SPATA13: variants seen among roughly 807,000 people sequenced by gnomAD.
The protein encoded by SPATA13 is spermatogenesis associated 13.
A neutral mutation model predicts 104.0 loss-of-function variants in SPATA13; 50 were observed. That is an observed-to-expected ratio of 0.48 (90% CI 0.38 to 0.61). The LOEUF (loss-of-function observed/expected upper bound fraction) is 0.61. Among genes scored for constraint, SPATA13 ranks in the 20% least tolerant of loss-of-function variants. The pLI, the probability that SPATA13 is intolerant of heterozygous loss-of-function variation, is 0.00. For missense variants in SPATA13, 1,524 were observed against 1,690.6 expected (o/e 0.90, Z 1.73); for synonymous variants, 606 against 667.5 (o/e 0.91, Z 1.42).
Position 24,223,002 on chromosome 13 carries a change from C to T in SPATA13, c.73C>T (p.Pro25Ser). The T allele has an allele frequency of 6.4e-7, 1 of 1,551,292 alleles. No individual in the cohort carries two copies. The highest frequency in any genetic ancestry group is 8.7e-7 in the Non-Finnish European group (1 of 1,146,720). ...NMTTAPNGLG[P>S]GPAAPCAGSD... ...GACCACTGCCCCAAACGGCCTCGGG[C>T]CAGGCCCCGCAGCCCCCTGTGCAGG... is the stretch of plus-strand genomic sequence containing the variant. Residue 25 changes from proline to serine, a missense_variant, in exon 2 of 13, where the codon CCA becomes TCA. Pro to Ser is a moderately conservative substitution (Grantham distance 74, BLOSUM62 -1). Coordinates refer to ENST00000382108, the MANE Select transcript of SPATA13 (RefSeq NM_001166271.3).
At chr13:23,989,441 T>C (rs1593260162) in intron 2 of SPATA13, among the ~76,000 whole-genome samples, 1 of 151,852 alleles carries the variant, frequency 6.6e-6, no homozygotes. Context: ...AAAGATTTAC[T>C]CAAGTTATCT....
chr13:24,174,415 G>A (rs1883130920), intron 1 of SPATA13, among the ~76,000 whole-genome samples: 1 of 151,410 alleles, frequency 6.6e-6, no homozygotes, highest in South Asian at 2.1e-4. Flanking sequence ...TGAAGTGGGA[G>A]ATTAGATTGA....
chr13:24,089,065 T>C (rs1012494728), intron 3 of SPATA13, among the ~76,000 whole-genome samples: 1 of 152,164 alleles, frequency 6.6e-6, no homozygotes, highest in African/African-American at 2.4e-5. Context: ...GACAACTCAA[T>C]TGGCAGTTTT....
intron 3 of SPATA13, chr13:24,123,227 C>A (rs1477023747): frequency 1.3e-6 from 2 of 1,593,790 alleles, no homozygotes; most frequent in African/African-American, 1.3e-5. Context: ...GATTGCTGAT[C>A]AATACTTGAA....
intron 1 of SPATA13, among the ~76,000 whole-genome samples, chr13:24,193,022 C>G (rs1427881762): frequency 6.6e-6 from 1 of 152,116 alleles, no homozygotes; most frequent in Non-Finnish European, 1.5e-5. Context: ...AGTTGAAAGT[C>G]AAGGTGTGTG....
At chr13:24,302,273 C>A (rs528579497) in intron 12 of SPATA13, among the ~76,000 whole-genome samples, 1 of 151,740 alleles carries the variant, frequency 6.6e-6, no homozygotes, top group Non-Finnish European at 1.5e-5. Context: ...TTTTGGTTAA[C>A]GTGAATTAAG....
At position 24,294,871 on chromosome 13, in the gene SPATA13, A is replaced by T. The variant is rs371294956; in HGVS notation, c.3210+3A>T. ...AGGTGTCTATCGTGGGCTGGGAGGT[A>T]AGTGGAAAGCACCCCACATGATCCC... On this transcript the variant is annotated splice_donor_region_variant and intron_variant, in intron 10 of 12. Coordinates refer to ENST00000382108, the MANE Select transcript of SPATA13 (RefSeq NM_001166271.3). 1.3e-4 allele frequency: 216 copies of T among 1,604,502 alleles called. No individual in the cohort carries two copies. Among genetic ancestry groups the T allele is most frequent in the Non-Finnish European group, 1.8e-4 (207 of 1,172,072 alleles).
chr13:24,168,730 C>A (rs1297130521), intron 1 of SPATA13, among the ~76,000 whole-genome samples: 4 of 152,128 alleles, frequency 2.6e-5, no homozygotes, highest in Non-Finnish European at 5.9e-5. Flanking sequence ...AACATCCCTC[C>A]AGCCCTCATT....
chr13:24,220,665 A>G (rs369419486), intron 1 of SPATA13, among the ~76,000 whole-genome samples: 16 of 152,124 alleles, frequency 1.1e-4, no homozygotes, highest in Admixed American at 9.2e-4. Context: ...TAATTCCTCC[A>G]TTAGAACATT....
intron 3 of SPATA13, among the ~76,000 whole-genome samples, chr13:24,031,725 C>T (rs1877490562): frequency 6.6e-6 from 1 of 152,170 alleles, no homozygotes; most frequent in Non-Finnish European, 1.5e-5. Context: ...TGGACCTTCT[C>T]TCTCCCTTAA....
At chr13:24,066,714 C>T (rs1246398995) in intron 3 of SPATA13, among the ~76,000 whole-genome samples, 1 of 152,102 alleles carries the variant, frequency 6.6e-6, no homozygotes, top group East Asian at 1.9e-4. Flanking sequence ...CCTCCTCACT[C>T]TTTCAAACAA....
chr13:24,293,794 G>C (rs1251612041), intron 9 of SPATA13, among the ~76,000 whole-genome samples: 1 of 152,226 alleles, frequency 6.6e-6, no homozygotes, highest in African/African-American at 2.4e-5. Flanking sequence ...AGCAGGGTCT[G>C]CTTGGTGGGC....
chr13:24,277,470 T>G (rs1226694933), intron 4 of SPATA13, among the ~76,000 whole-genome samples: 5 of 125,920 alleles, frequency 4.0e-5, no homozygotes, highest in Admixed American at 8.3e-5. Flanking sequence ...AAAGAAGAAG[T>G]TCACCTTGGA....
chr13:24,065,032 G>C (rs1044798667), intron 3 of SPATA13, among the ~76,000 whole-genome samples: 2 of 151,922 alleles, frequency 1.3e-5, no homozygotes, highest in African/African-American at 4.8e-5. Context: ...ATCCTGGATG[G>C]GACCTTGCGT....
chr13:24,182,560 C>T (rs1048241448), intron 1 of SPATA13, among the ~76,000 whole-genome samples: 15 of 151,962 alleles, frequency 9.9e-5, no homozygotes, highest in African/African-American at 3.6e-4. Context: ...AGTGAACTTA[C>T]AGAGTGAGAA....
At chr13:24,279,673 G>A (rs1275850973) in intron 4 of SPATA13, among the ~76,000 whole-genome samples, 1 of 152,188 alleles carries the variant, frequency 6.6e-6, no homozygotes, top group Non-Finnish European at 1.5e-5. Context: ...CCTCTGAATA[G>A]ATAAAACATA....
Position 24,107,237 on chromosome 13 carries a change from CAA to C in SPATA13, c.-112+89562_-112+89563del, listed in dbSNP as rs11421515. Among the ~76,000 whole-genome samples, 102 of 34,262 alleles carry C rather than the reference CAA, an allele frequency of 3.0e-3. No individual in the cohort carries two copies. In the East Asian group the frequency reaches 0.081, roughly 27 times the overall value. The allele number at this position is 34,262 out of a possible 152,430, so 22.5% of individuals were successfully genotyped here. A position where few individuals can be genotyped will look rare whatever the true frequency, so the allele number is the denominator to read the frequency against. Reference sequence around the variant, plus strand: ...CTCAAGTGCCCTTTTGAACAAGAGGCAAAAAAAAAAAAAAAAAAAAAAAAAAA... The same window carrying C: ...CTCAAGTGCCCTTTTGAACAAGAGGCAAAAAAAAAAAAAAAAAAAAAAAAA... On this transcript the variant is annotated intron_variant, in intron 3 of 14. Coordinates refer to the SPATA13 transcript ENST00000424834.
chr13:24,003,008 C>A (rs1296785182), intron 2 of SPATA13, among the ~76,000 whole-genome samples: 1 of 152,138 alleles, frequency 6.6e-6, no homozygotes, highest in Admixed American at 6.5e-5. Context: ...TCTGTTAATT[C>A]TCCCTATGAT....
At chr13:24,255,695 G>A (rs78323399) in intron 4 of SPATA13, among the ~76,000 whole-genome samples, 2,313 of 152,282 alleles carry the variant, frequency 0.015, 56 homozygotes, top group Admixed American at 0.046. Context: ...GCAGCCCAAG[G>A]GGTGGTGAGA....
Sources: allele counts gnomAD v4.1 joint callset (sites outside exome capture counted in the v4.1 genomes callset), GRCh38; gene constraint gnomAD v4.1.1; transcripts MANE v1.5; gene names NCBI Gene and HGNC (gene_info 2026-07-23, HGNC 2026-07-21).